SLC28A3: variants seen among roughly 807,000 people sequenced by gnomAD.
SLC28A3 encodes the protein concentrative Na(+)-nucleoside cotransporter 3.
Under a neutral mutation model 84.2 loss-of-function variants are expected in SLC28A3, and 68 were observed. The observed-to-expected ratio is 0.81, with a 90% CI of 0.66 to 0.99. SLC28A3 has a LOEUF of 0.99. SLC28A3 is among the 50% of genes least tolerant of loss of function. SLC28A3 has a pLI of 0.00. For synonymous variants in SLC28A3, 267 were observed against 303.6 expected, an observed-to-expected ratio of 0.88 and a Z score of 1.25; for missense variants, 712 against 841.5, an observed-to-expected ratio of 0.85 and a Z score of 1.90.
At chr9:84,294,377 C>T in intron 8 of SLC28A3, 102 bp from the exon 9 acceptor site, 1 of 1,077,510 alleles carries the variant, frequency 9.3e-7, no homozygotes, top group South Asian at 1.5e-5. Context: ...TCTGAAACAT[C>T]ATAAAAATAT....
chr9:84,335,712 CGTGTGTGT>C (rs56259271), intron 1 of SLC28A3, among the ~76,000 whole-genome samples: 2,229 of 148,858 alleles, frequency 0.015, 16 homozygotes, highest in South Asian at 0.022. Flanking sequence ...TATGTATATA[CGTGTGTGT>C]GTGTGTGTGT....
intron 6 of SLC28A3, among the ~76,000 whole-genome samples, 175 bp from the exon 7 acceptor site, chr9:84,298,194 T>TA (rs1247173059): frequency 6.6e-6 from 1 of 152,068 alleles, no homozygotes. Context: ...AACCATAACT[T>TA]AAAAAACTCA....
chr9:84,327,221 C>A (rs1227110944), intron 1 of SLC28A3, among the ~76,000 whole-genome samples: 5 of 152,048 alleles, frequency 3.3e-5, no homozygotes, highest in Non-Finnish European at 7.4e-5. Context: ...TGGTAAAAGG[C>A]AGTAGTGATG....
chr9:84,290,942 G>T (rs1825195096), intron 10 of SLC28A3, among the ~76,000 whole-genome samples: 1 of 152,206 alleles, frequency 6.6e-6, no homozygotes, highest in Non-Finnish European at 1.5e-5. Flanking sequence ...GGGTGGAAAG[G>T]AAGAAGCAGA....
upstream of SLC28A3, among the ~76,000 whole-genome samples, chr9:84,341,063 T>C (rs540029646): frequency 6.6e-6 from 1 of 150,936 alleles, no homozygotes; most frequent in Admixed American, 6.6e-5. Flanking sequence ...AACCTCTGCC[T>C]CCCAGGTTCA....
chr9:84,302,459 G>T (rs1487618726), intron 4 of SLC28A3, 70 bp from the exon 5 acceptor site: 7 of 1,508,694 alleles, frequency 4.6e-6, no homozygotes, highest in Non-Finnish European at 6.3e-6. Flanking sequence ...CTCCAGCCTT[G>T]TTCTGGCGCA....
the SLC28A3 span, among the ~76,000 whole-genome samples, chr9:84,363,625 A>T: frequency 2.0e-5 from 3 of 152,340 alleles, no homozygotes; most frequent in South Asian, 6.2e-4. Context: ...TATCAGAATC[A>T]TCTAAGTGTT....
intron 5 of SLC28A3, among the ~76,000 whole-genome samples, chr9:84,301,901 AATATAGC>A (rs772381866): frequency 1.3e-5 from 2 of 152,174 alleles, no homozygotes; most frequent in African/African-American, 2.4e-5. Flanking sequence ...GTCTCTTCCT[AATATAGC>A]ACATGGAACG....
Position 84,297,997 on chromosome 9 carries a change from C to T in SLC28A3, c.692G>A (p.Trp231Ter), listed in dbSNP as rs756352893. 1.9e-6 allele frequency: 3 copies of T among 1,612,238 alleles called. No individual in the cohort carries two copies. The highest frequency in any genetic ancestry group is 4.5e-5 in the East Asian group (2 of 44,854). Residue 231 changes from tryptophan (W) to a stop codon, truncating the protein, a stop_gained, in exon 7 of 18, where the codon TGG becomes TAG. Transcript: ENST00000376238. LOFTEE classifies it high-confidence loss of function. Reference protein sequence around the residue: ...PTRVYWRPVLWGIGLQFLLGL... With the variant: ...PTRVYWRPVL Reference sequence around the variant, plus strand: ...AAGAAGAAACTGTAGCCCGATTCCCCATAAGACAGGTCTCCAGTAAACCTA... The same window carrying T: ...AAGAAGAAACTGTAGCCCGATTCCCTATAAGACAGGTCTCCAGTAAACCTA...
intron 1 of SLC28A3, among the ~76,000 whole-genome samples, chr9:84,329,304 C>A (rs1370214541): frequency 1.3e-5 from 2 of 152,098 alleles, no homozygotes; most frequent in Admixed American, 6.6e-5. Context: ...TCAGTAATGA[C>A]TAGAACTAGA....
chr9:84,320,216 A>AT (rs113128132), intron 1 of SLC28A3, among the ~76,000 whole-genome samples: 31,726 of 147,582 alleles, frequency 0.21, 3,554 homozygotes, highest in East Asian at 0.47. Flanking sequence ...CACCCTGCTC[A>AT]TTTTTTTTTT....
Position 84,302,350 on chromosome 9 carries a change from A to T in SLC28A3, c.374T>A (p.Phe125Tyr). ...CACAAAAAGAGGAAGGGCTCTGTGA[A>T]AGTTCAGCACACAGGCCGAAATCAC... ...VMVISACVLN[F>Y]HRALPLFVIT... Residue 125 changes from phenylalanine to tyrosine, a missense_variant, in exon 5 of 18, where the codon TTT becomes TAT. Phe to Tyr is a conservative substitution (Grantham distance 22). Transcript: ENST00000376238. 1 of 1,614,090 alleles carries T rather than the reference A, an allele frequency of 6.2e-7. No homozygotes were observed. The highest frequency in any genetic ancestry group is 1.7e-5 in the Admixed American group (1 of 60,014).
At chr9:84,348,175 A>G in the SLC28A3 span, among the ~76,000 whole-genome samples, 2 of 152,132 alleles carry the variant, frequency 1.3e-5, no homozygotes, top group African/African-American at 4.8e-5. Flanking sequence ...GTTTTAGATG[A>G]GTATAACATA....
intron 16 of SLC28A3, among the ~76,000 whole-genome samples, chr9:84,279,631 G>A (rs1429913535): frequency 2.0e-5 from 3 of 152,142 alleles, no homozygotes; most frequent in African/African-American, 2.4e-5. Context: ...ATGCGGTTTC[G>A]CCACGTTGGT....
At chr9:84,350,579 G>T in the SLC28A3 span, among the ~76,000 whole-genome samples, 11 of 152,136 alleles carry the variant, frequency 7.2e-5, no homozygotes, top group African/African-American at 2.7e-4. Flanking sequence ...GAGTCAGTGA[G>T]TTAGTGGTGA....
At chr9:84,331,316 T>C (rs1474708719) in intron 1 of SLC28A3, among the ~76,000 whole-genome samples, 1 of 152,180 alleles carries the variant, frequency 6.6e-6, no homozygotes, top group Non-Finnish European at 1.5e-5. Flanking sequence ...CTCAATGTGA[T>C]TCATATTGAC....
At chr9:84,308,174 G>A (rs781226830) in intron 3 of SLC28A3, among the ~76,000 whole-genome samples, 1 of 152,142 alleles carries the variant, frequency 6.6e-6, no homozygotes, top group Non-Finnish European at 1.5e-5. Flanking sequence ...CCAGGAGGTC[G>A]AGGCTGCAGT....
In SLC28A3 at chr9:84,324,374, G is replaced by A. The variant is rs370287241; in HGVS notation, c.61-10920C>T. Among the ~76,000 whole-genome samples the A allele has an allele frequency of 2.2e-4, 34 of 152,216 alleles. No individual in the cohort carries two copies. The East Asian group carries it at 2.9e-3, about 13-fold the overall frequency. ...AAAATAAAGTTTTTTGCTGGGTGCC[G>A]TGACTCATACCTGTAATCCCAGCAC... is the stretch of plus-strand genomic sequence containing the variant. On this transcript the variant is annotated intron_variant, in intron 1 of 17. Coordinates refer to ENST00000376238, the MANE Select transcript of SLC28A3 (RefSeq NM_001199633.2).
chr9:84,278,422 A>G lies in SLC28A3; in HGVS notation c.1950-78T>C, dbSNP rs1824604231. On this transcript the variant is annotated intron_variant, in intron 17 of 17. Coordinates refer to ENST00000376238, the MANE Select transcript of SLC28A3 (RefSeq NM_001199633.2). ...TAGGTGAGCAGACAATGACATTAAA[A>G]ATAGTTCAGGGCAGGAAGCTGATTT... 5.1e-6 allele frequency: 8 copies of G among 1,573,172 alleles called. No individual in the cohort carries two copies. In the South Asian group the frequency reaches 5.9e-5, roughly 12 times the overall value.
Sources: gnomAD v4.1 joint callset for allele counts (sites outside exome capture counted in the v4.1 genomes callset) on GRCh38, gnomAD v4.1.1 for gene constraint, MANE v1.5 for transcripts, NCBI Gene and HGNC (gene_info 2026-07-23, HGNC 2026-07-21) for gene names.